IL1RAPL2: variants seen among roughly 807,000 people sequenced by gnomAD.
IL1RAPL2 encodes the protein X-linked interleukin-1 receptor accessory protein-like 2.
IL1RAPL2 carries 3 observed loss-of-function variants against 44.1 expected under a neutral mutation model. The observed-to-expected ratio is 0.07, with a 90% CI of 0.03 to 0.18. IL1RAPL2 has a LOEUF of 0.18. Among genes scored for constraint, IL1RAPL2 ranks in the 10% least tolerant of loss-of-function variants. The pLI is 1.00. For missense variants in IL1RAPL2, 391 were observed against 496.4 expected (o/e 0.79, Z 2.02); for synonymous variants, 181 against 178.8 (o/e 1.01, Z -0.10).
chrX:105,381,552 C>T (rs752578902), intron 5 of IL1RAPL2, among the ~76,000 whole-genome samples: 4 of 111,413 alleles, frequency 3.6e-5, no homozygotes, highest in South Asian at 3.7e-4. Flanking sequence ...AGATGTTATA[C>T]GATAATAGAC....
chrX:105,218,800 A>G (rs1471318051), intron 3 of IL1RAPL2: 4 of 434,332 alleles, frequency 9.2e-6, no homozygotes, highest in Non-Finnish European at 1.1e-5. Context: ...CACCACCCCT[A>G]TCTCTGAAGT....
chrX:105,516,561 A>G (rs759175223), intron 6 of IL1RAPL2, among the ~76,000 whole-genome samples: 15 of 111,873 alleles, frequency 1.3e-4, no homozygotes, highest in Non-Finnish European at 2.4e-4. Context: ...TTGCATATAT[A>G]TTTTTGTGCA....
intron 2 of IL1RAPL2, among the ~76,000 whole-genome samples, chrX:105,097,670 A>G (rs2032622803): frequency 9.0e-6 from 1 of 111,643 alleles, no homozygotes; most frequent in Non-Finnish European, 1.9e-5. Context: ...TTTGACATGC[A>G]TATGCTGTTT....
At chrX:104,730,544 A>C (rs1467373444) in intron 2 of IL1RAPL2, among the ~76,000 whole-genome samples, 6 of 106,142 alleles carry the variant, frequency 5.7e-5, no homozygotes, top group African/African-American at 2.0e-4. Flanking sequence ...CCTACAAAGG[A>C]CATGAACTCA....
intron 2 of IL1RAPL2, among the ~76,000 whole-genome samples, chrX:105,069,297 A>G (rs767435199): frequency 1.8e-5 from 2 of 112,859 alleles, no homozygotes; most frequent in Non-Finnish European, 3.7e-5. Flanking sequence ...CATTTATAAT[A>G]ATTTTAAAAT....
At chrX:104,957,908 G>A (rs1411290957) in intron 2 of IL1RAPL2, among the ~76,000 whole-genome samples, 1 of 110,751 alleles carries the variant, frequency 9.0e-6, no homozygotes, top group African/African-American at 3.3e-5. Flanking sequence ...GCAACACAGC[G>A]AGACCTCATC....
At chrX:104,956,513 C>T (rs886349245) in intron 2 of IL1RAPL2, among the ~76,000 whole-genome samples, 1 of 64,644 alleles carries the variant, frequency 1.5e-5, no homozygotes, top group Non-Finnish European at 3.0e-5. Flanking sequence ...GGCGTGGTGG[C>T]GCATATCTCA....
intron 9 of IL1RAPL2, among the ~76,000 whole-genome samples, chrX:105,752,575 C>T (rs2038605740): frequency 8.9e-6 from 1 of 112,110 alleles, no homozygotes; most frequent in African/African-American, 3.2e-5. Context: ...TGATTTAGCA[C>T]AAAGGAAGGC....
chrX:105,455,167 A>G (rs2036046554), intron 5 of IL1RAPL2, among the ~76,000 whole-genome samples: 1 of 112,440 alleles, frequency 8.9e-6, no homozygotes, highest in South Asian at 3.7e-4. Flanking sequence ...AGTGAGACAC[A>G]AGAGAATACA....
chrX:105,414,991 T>C (rs111768255), intron 5 of IL1RAPL2, among the ~76,000 whole-genome samples: 1,311 of 111,818 alleles, frequency 0.012, 24 homozygotes, highest in African/African-American at 0.039. Flanking sequence ...GTAATAGTCA[T>C]AGAAAGAGAA....
chrX:105,712,160 C>T lies in IL1RAPL2; in HGVS notation c.773-5207C>T, dbSNP rs1048270166. On this transcript the variant is annotated intron_variant, in intron 6 of 10. Transcript: ENST00000372582. ...TGGGAACTGTCTGTGGTAGCTCTAG[C>T]CCTGTGGCTGGTTTTACCCTAGGGC... Among the ~76,000 whole-genome samples the T allele has an allele frequency of 1.3e-4, 15 of 112,374 alleles. No homozygotes were observed. The East Asian group carries it at 4.3e-3, about 32-fold the overall frequency.
chrX:105,667,793 C>CCTGT (rs2037783216), intron 6 of IL1RAPL2, among the ~76,000 whole-genome samples: 1 of 111,284 alleles, frequency 9.0e-6, no homozygotes, highest in Non-Finnish European at 1.9e-5. Flanking sequence ...ATTCCCAAGG[C>CCTGT]CTGTGTAAGG....
At position 105,172,467 on chromosome X, in the gene IL1RAPL2, C is replaced by T. The variant is rs182877026; in HGVS notation, c.83-23008C>T. The stretch of plus-strand genomic sequence containing the variant: ...CTGGGGAAGACTCCACTACCAAGCT[C>T]ATTCAAGTTGTTGGTAGAATTGCTG... On this transcript the variant is annotated intron_variant, in intron 2 of 10. Coordinates refer to ENST00000372582, the MANE Select transcript of IL1RAPL2 (RefSeq NM_017416.2). Among the ~76,000 whole-genome samples, 9 of 111,815 alleles carry T rather than the reference C, an allele frequency of 8.0e-5. No homozygotes were observed. In the Admixed American group the frequency reaches 8.5e-4, roughly 11 times the overall value.
chrX:105,056,920 T>A (rs1354700176), intron 2 of IL1RAPL2, among the ~76,000 whole-genome samples: 1 of 92,838 alleles, frequency 1.1e-5, no homozygotes, highest in Admixed American at 1.3e-4. Context: ...TTCTAGGAAA[T>A]GTTTTTAGGT....
intron 2 of IL1RAPL2, among the ~76,000 whole-genome samples, chrX:104,698,557 C>T (rs959370125): frequency 2.7e-5 from 3 of 111,787 alleles, no homozygotes; most frequent in Non-Finnish European, 3.8e-5. Flanking sequence ...AGTGTTACCT[C>T]GATTGGCATG....
intron 2 of IL1RAPL2, among the ~76,000 whole-genome samples, chrX:104,726,108 G>T (rs1931786280): frequency 9.0e-6 from 1 of 111,383 alleles, no homozygotes; most frequent in African/African-American, 3.3e-5. Context: ...CATATGGCTA[G>T]CCAGTTTTCC....
chrX:104,842,727 G>A (rs1318817658), intron 2 of IL1RAPL2, among the ~76,000 whole-genome samples: 1 of 112,394 alleles, frequency 8.9e-6, no homozygotes, highest in African/African-American at 3.2e-5. Flanking sequence ...GGAGGCTGTA[G>A]AACAGCAAAG....
At chrX:105,622,469 G>A (rs1453197591) in intron 6 of IL1RAPL2, among the ~76,000 whole-genome samples, 1 of 109,968 alleles carries the variant, frequency 9.1e-6, no homozygotes, top group Admixed American at 9.7e-5. Flanking sequence ...TTTTCATTCT[G>A]GGTGTTATAA....
chrX:105,028,803 G>C (rs1356523666), intron 2 of IL1RAPL2, among the ~76,000 whole-genome samples: 3 of 110,985 alleles, frequency 2.7e-5, no homozygotes, highest in Non-Finnish European at 5.7e-5. Flanking sequence ...TAAGAACAAG[G>C]ACTTGAGTTC....
Sources: allele counts gnomAD v4.1 joint callset (sites outside exome capture counted in the v4.1 genomes callset), GRCh38; gene constraint gnomAD v4.1.1; transcripts MANE v1.5; gene names NCBI Gene and HGNC (gene_info 2026-07-23, HGNC 2026-07-21).